ELP3: variants seen among roughly 807,000 people sequenced by gnomAD.
ELP3 encodes the protein elongator complex protein 3.
Under a neutral mutation model 74.9 loss-of-function variants are expected in ELP3, and 56 were observed. The ratio of observed to expected loss-of-function variants is 0.75; its 90% CI spans 0.60 to 0.93. The LOEUF (loss-of-function observed/expected upper bound fraction) is 0.93. Among genes scored for constraint, ELP3 ranks in the 40% least tolerant of loss-of-function variants. The pLI is 0.00. For synonymous variants in ELP3, 222 were observed against 239.8 expected (o/e 0.93, Z 0.68); for missense variants, 573 against 686.5 (o/e 0.83, Z 1.85).
intron 6 of ELP3, 133 bp downstream of exon 6, chr8:28,110,571 C>A (rs1811877535): frequency 1.4e-6 from 1 of 727,450 alleles, no homozygotes; most frequent in Non-Finnish European, 2.2e-6. Context: ...TTTTCAATAT[C>A]CATTTGAGGG....
At chr8:28,106,847 G>T in intron 4 of ELP3, 64 bp downstream of exon 4, 1 of 1,247,362 alleles carries the variant, frequency 8.0e-7, no homozygotes, top group Non-Finnish European at 1.2e-6. Flanking sequence ...GCCCCCTCTA[G>T]CCCTTAGTCA....
At chr8:28,105,247 A>G (rs1811642525) in intron 3 of ELP3, among the ~76,000 whole-genome samples, 1 of 152,040 alleles carries the variant, frequency 6.6e-6, no homozygotes, top group African/African-American at 2.4e-5. Flanking sequence ...AAAATTAGCC[A>G]GGCATGGTGG....
Position 28,158,509 on chromosome 8 carries a change from G to A in ELP3, c.1192-59G>A, listed in dbSNP as rs147897939. 1,108 of 1,135,374 alleles carry A rather than the reference G, an allele frequency of 9.8e-4. 3 individuals carry two copies. The highest frequency in any genetic ancestry group is 8.8e-3 in the African/African-American group (574 of 65,486). The allele number at this position is 1,135,374 out of a possible 1,614,324, so 70.3% of individuals were successfully genotyped here. A position where few individuals can be genotyped will look rare whatever the true frequency, so the allele number is the denominator to read the frequency against. On this transcript the variant is annotated intron_variant, in intron 11 of 14. Coordinates refer to ENST00000256398, the MANE Select transcript of ELP3 (RefSeq NM_018091.6). ...AAAATAAAGATTGAATTGGTTACCA[G>A]TTTTATATTTGTACCCCTCCCACCC...
At chr8:28,112,464 T>C (rs1811957333) in intron 6 of ELP3, 2 of 152,142 alleles carry the variant, frequency 1.3e-5, no homozygotes, top group East Asian at 3.9e-4. Flanking sequence ...ACTTTCACTT[T>C]TTTTTAGAAA....
intron 10 of ELP3, among the ~76,000 whole-genome samples, chr8:28,143,697 T>G (rs898776106): frequency 1.3e-5 from 2 of 152,242 alleles, no homozygotes; most frequent in Non-Finnish European, 2.9e-5. Context: ...CTTTTTTAAA[T>G]GTAATTATCC....
chr8:28,113,691 T>C (rs1812010537), intron 7 of ELP3: 1 of 152,066 alleles, frequency 6.6e-6, no homozygotes, highest in African/African-American at 2.4e-5. Context: ...GCTTTGGAGG[T>C]TGGGAAGTCC....
At chr8:28,154,718 A>C (rs1813763930) in intron 10 of ELP3, among the ~76,000 whole-genome samples, 1 of 152,180 alleles carries the variant, frequency 6.6e-6, no homozygotes, top group Non-Finnish European at 1.5e-5. Context: ...TCTGATTACT[A>C]ATTTTAAAAT....
intron 2 of ELP3, 45 bp downstream of exon 2, chr8:28,097,363 A>G: frequency 7.5e-7 from 1 of 1,326,876 alleles, no homozygotes; most frequent in East Asian, 2.3e-5. Context: ...TAGGTAGCAG[A>G]TCTCTTTTAT....
At chr8:28,154,584 T>TA (rs1360685078) in intron 10 of ELP3, among the ~76,000 whole-genome samples, 1 of 152,050 alleles carries the variant, frequency 6.6e-6, no homozygotes, top group Non-Finnish European at 1.5e-5. Context: ...TATTTCAGGG[T>TA]AAAAAAGGGC....
At chr8:28,163,161 C>T (rs1814169343) in intron 14 of ELP3, among the ~76,000 whole-genome samples, 1 of 152,138 alleles carries the variant, frequency 6.6e-6, no homozygotes, top group Non-Finnish European at 1.5e-5. Context: ...CAAAAAATGA[C>T]GTAGACCCCT....
chr8:28,136,203 C>G (rs1471443496), intron 9 of ELP3, among the ~76,000 whole-genome samples: 1 of 152,170 alleles, frequency 6.6e-6, no homozygotes, highest in Non-Finnish European at 1.5e-5. Flanking sequence ...CTCAGGTGAT[C>G]CACCTGCCTT....
At position 28,190,096 on chromosome 8, in the gene ELP3, A is replaced by AACTT. The variant is rs143165487; in HGVS notation, c.*373_*376dup. 540 of 175,342 alleles carry AACTT rather than the reference A, an allele frequency of 3.1e-3. 12 individuals carry two copies. Among genetic ancestry groups the AACTT allele is most frequent in the East Asian group, 0.023 (146 of 6,306 alleles). 10.9% of individuals were successfully genotyped at this position (175,342 alleles called of 1,614,324 possible). ...AAAACTGATTGTCATTCGAGGAGCA[A>AACTT]ACTTAAGAGTAGTTTATTTATATAC... On this transcript the variant is annotated 3_prime_UTR_variant, in exon 15 of 15. Transcript: ENST00000256398.
intron 7 of ELP3, among the ~76,000 whole-genome samples, chr8:28,120,865 G>T (rs1313731371): frequency 6.6e-6 from 1 of 152,186 alleles, no homozygotes; most frequent in Non-Finnish European, 1.5e-5. Context: ...AATGTGGGCT[G>T]GGCTCTTTTC....
In ELP3 at chr8:28,190,002, G is replaced by A; in HGVS notation, c.*277G>A. 1 of 332,518 alleles carries A rather than the reference G, an allele frequency of 3.0e-6. No homozygotes were observed. Among genetic ancestry groups the A allele is most frequent in the Non-Finnish European group, 5.5e-6 (1 of 180,536 alleles). 20.6% of individuals were successfully genotyped at this position (332,518 alleles called of 1,614,324 possible). On this transcript the variant is annotated 3_prime_UTR_variant, in exon 15 of 15. Coordinates refer to ENST00000256398, the MANE Select transcript of ELP3 (RefSeq NM_018091.6). ...TTCTACATTTTGCATGAGGCCTGCAGGTGGCCTATTTTGACTCAGACGGTG... is the reference window on the plus strand; with the variant it reads ...TTCTACATTTTGCATGAGGCCTGCAAGTGGCCTATTTTGACTCAGACGGTG...
chr8:28,167,216 A>G (rs913056256), intron 14 of ELP3, among the ~76,000 whole-genome samples: 5 of 152,224 alleles, frequency 3.3e-5, no homozygotes, highest in African/African-American at 4.8e-5. Flanking sequence ...TCTTAGTTAT[A>G]TGACCCTAAA....
At position 28,156,115 on chromosome 8, in the gene ELP3, C is replaced by A; in HGVS notation, c.1191+83C>A. 4 of 1,109,012 alleles carry A rather than the reference C, an allele frequency of 3.6e-6. No individual in the cohort carries two copies. In the South Asian group the frequency reaches 5.3e-5, roughly 15 times the overall value. The allele number at this position is 1,109,012 out of a possible 1,614,324, so 68.7% of individuals were successfully genotyped here. A position where few individuals can be genotyped will look rare whatever the true frequency, so the allele number is the denominator to read the frequency against. On this transcript the variant is annotated intron_variant, in intron 11 of 14. Coordinates refer to ENST00000256398, the MANE Select transcript of ELP3 (RefSeq NM_018091.6). ...ACGAAAGACTTTGCCACTACCACCC[C>A]TAAAACCAGACTTGCGGGTCAGGTC...
intron 7 of ELP3, among the ~76,000 whole-genome samples, chr8:28,123,117 C>G (rs1383406267): frequency 6.6e-6 from 1 of 152,176 alleles, no homozygotes; most frequent in African/African-American, 2.4e-5. Flanking sequence ...GAGTGAGACT[C>G]CTTCTCAAAA....
intron 11 of ELP3, among the ~76,000 whole-genome samples, chr8:28,158,083 A>G (rs981813901): frequency 1.0e-4 from 15 of 146,980 alleles, no homozygotes; most frequent in African/African-American, 3.8e-4. Flanking sequence ...CATCTTCAAC[A>G]TGTAATTTTT....
chr8:28,106,654 CTG>C, intron 3 of ELP3, 57 bp from the exon 4 acceptor site: 7 of 1,433,988 alleles, frequency 4.9e-6, no homozygotes, highest in South Asian at 2.3e-5. Context: ...GATAAGCACT[CTG>C]TGGAGTTTTA....
Sources: allele counts gnomAD v4.1 joint callset (sites outside exome capture counted in the v4.1 genomes callset), GRCh38; gene constraint gnomAD v4.1.1; transcripts MANE v1.5; gene names NCBI Gene and HGNC (gene_info 2026-07-23, HGNC 2026-07-21).